Variants in CDKN3 observed in about 807,000 individuals in gnomAD.
CDKN3 encodes cyclin dependent kinase inhibitor 3.
CDKN3 carries 19 observed loss-of-function variants against 36.1 expected under a neutral mutation model. The ratio of observed to expected loss-of-function variants is 0.53; its 90% CI spans 0.37 to 0.77. The LOEUF is 0.77. Among genes scored for constraint, CDKN3 ranks in the 30% least tolerant of loss-of-function variants. CDKN3 has a pLI of 0.00. For missense variants in CDKN3, 188 were observed against 248.6 expected, an observed-to-expected ratio of 0.76 and a Z score of 1.64; for synonymous variants, 71 against 85.3, an observed-to-expected ratio of 0.83 and a Z score of 0.92.
At chr14:54,413,768 G>A (rs1412028270) in intron 5 of CDKN3, 1 of 1,454,754 alleles carries the variant, frequency 6.9e-7, no homozygotes, top group Non-Finnish European at 9.0e-7. Context: ...CACTGGTTCT[G>A]CCTGGACATT....
intron 5 of CDKN3, 38 bp downstream of exon 5, chr14:54,411,744 T>C (rs2030363146): frequency 2.4e-6 from 3 of 1,243,368 alleles, no homozygotes; most frequent in South Asian, 2.4e-5. Context: ...GAGAAATGTC[T>C]CAGTCAAAAT....
intron 3 of CDKN3, among the ~76,000 whole-genome samples, chr14:54,403,965 C>T (rs535578807): frequency 6.4e-4 from 97 of 152,224 alleles, no homozygotes; most frequent in Admixed American, 1.1e-3. Flanking sequence ...ATTTTCGCAT[C>T]GATGTTCATC....
intron 5 of CDKN3, chr14:54,412,856 G>C (rs767677989): frequency 1.9e-6 from 1 of 516,850 alleles, no homozygotes; most frequent in South Asian, 1.4e-5. Context: ...GTATTAAATA[G>C]TTTACGACCT....
Position 54,411,431 on chromosome 14 carries a change from A to C in CDKN3, c.194-53A>C. The C allele has an allele frequency of 3.0e-6, 4 of 1,339,138 alleles. No homozygotes were observed. The Admixed American group carries it at 7.4e-5, about 25-fold the overall frequency. 83.0% of individuals were successfully genotyped at this position (1,339,138 alleles called of 1,614,324 possible). The stretch of plus-strand genomic sequence containing the variant: ...ATATTCTCCCTCTTGATGGTATTTA[A>C]ATGTGTGATGTTTTCTATGTGTGTG... On this transcript the variant is annotated intron_variant, in intron 4 of 7. Transcript: ENST00000335183.
chr14:54,414,738 A>C (rs2030481160), intron 5 of CDKN3, among the ~76,000 whole-genome samples: 1 of 138,430 alleles, frequency 7.2e-6, no homozygotes, highest in Non-Finnish European at 1.5e-5. Flanking sequence ...TTGGAGAGAC[A>C]GGGTCTCACT....
At chr14:54,402,204 C>CA (rs202192816) in intron 3 of CDKN3, among the ~76,000 whole-genome samples, 20,927 of 110,334 alleles carry the variant, frequency 0.19, 1,659 homozygotes, top group Admixed American at 0.22. Context: ...GACTCTGTCT[C>CA]AAAAAAAAAA....
intron 6 of CDKN3, among the ~76,000 whole-genome samples, chr14:54,416,246 T>C (rs1366844075): frequency 6.6e-6 from 1 of 152,204 alleles, no homozygotes; most frequent in African/African-American, 2.4e-5. Context: ...ATAGTTTCCA[T>C]GGGTAACTAT....
At chr14:54,404,720 A>G (rs1012141774) in intron 3 of CDKN3, among the ~76,000 whole-genome samples, 18 of 152,006 alleles carry the variant, frequency 1.2e-4, no homozygotes, top group East Asian at 9.7e-4. Flanking sequence ...GACTACAGGC[A>G]CCCACCACCA....
At chr14:54,407,093 T>C (rs1246475786) in intron 3 of CDKN3, among the ~76,000 whole-genome samples, 1 of 152,222 alleles carries the variant, frequency 6.6e-6, no homozygotes, top group Non-Finnish European at 1.5e-5. Context: ...CTTGTAACAG[T>C]CAGGCCCCTC....
intron 7 of CDKN3, chr14:54,418,299 C>T: frequency 1.4e-6 from 1 of 701,082 alleles, no homozygotes; most frequent in Non-Finnish European, 2.6e-6. Context: ...ATTGTTAATA[C>T]AAACTTGGTA....
At chr14:54,401,137 G>T (rs1415745560) in intron 2 of CDKN3, among the ~76,000 whole-genome samples, 1 of 152,004 alleles carries the variant, frequency 6.6e-6, no homozygotes, top group African/African-American at 2.4e-5. Context: ...AATTAACTTG[G>T]TTTTTTGTTT....
chr14:54,411,426 A>C, intron 4 of CDKN3, 58 bp from the exon 5 acceptor site: 1 of 1,286,622 alleles, frequency 7.8e-7, no homozygotes, highest in Non-Finnish European at 1.1e-6. Context: ...TCTTGATGGT[A>C]TTTAAATGTG....
intron 1 of CDKN3, 71 bp from the exon 2 acceptor site, chr14:54,399,823 G>C: frequency 3.8e-6 from 3 of 783,430 alleles, no homozygotes; most frequent in Middle Eastern, 2.3e-4. Flanking sequence ...TGTGTGTTTA[G>C]ACAAGGATTA....
chr14:54,402,309 CGTGTGT>C (rs35529322), intron 3 of CDKN3, among the ~76,000 whole-genome samples: 10 of 147,824 alleles, frequency 6.8e-5, no homozygotes, highest in African/African-American at 2.0e-4. Flanking sequence ...CATGTGTGTG[CGTGTGT>C]GTGTGTGTGT....
At chr14:54,416,004 T>G (rs968001292) in intron 6 of CDKN3, 74 bp downstream of exon 6, 10 of 1,138,044 alleles carry the variant, frequency 8.8e-6, no homozygotes, top group African/African-American at 1.5e-5. Context: ...TATGTTCATT[T>G]TGTATTAAAA....
At chr14:54,409,071 A>G (rs1437439212) in intron 4 of CDKN3, among the ~76,000 whole-genome samples, 1 of 152,172 alleles carries the variant, frequency 6.6e-6, no homozygotes, top group African/African-American at 2.4e-5. Context: ...GAAAAAAAGT[A>G]TGTAAATAGG....
rs79495217 is a variant in CDKN3 at position 54,415,383 on chromosome 14, T to C, written c.417-516T>C. On this transcript the variant is annotated intron_variant, in intron 5 of 7. Coordinates refer to ENST00000335183, the MANE Select transcript of CDKN3 (RefSeq NM_005192.4). ...GTGAAAAGGCTGAGTCCCAGAGAGA[T>C]TAAATAACTTGCTTAGCTTTACACA... Among the ~76,000 whole-genome samples, 408 of 152,340 alleles carry C rather than the reference T, an allele frequency of 2.7e-3. 3 individuals carry two copies. The highest frequency in any genetic ancestry group is 9.4e-3 in the African/African-American group (391 of 41,580).
chr14:54,400,878 T>C (rs1411039690), intron 2 of CDKN3, among the ~76,000 whole-genome samples: 3 of 152,220 alleles, frequency 2.0e-5, no homozygotes, highest in African/African-American at 7.2e-5. Context: ...TTCACATTAT[T>C]TCTTTTTAAC....
chr14:54,415,087 C>G (rs1030407113), intron 5 of CDKN3, among the ~76,000 whole-genome samples: 1 of 152,014 alleles, frequency 6.6e-6, no homozygotes, highest in Non-Finnish European at 1.5e-5. Flanking sequence ...CCTCTAAGTA[C>G]ATTAGGAAGC....
Sources: gnomAD v4.1 joint callset for allele counts (sites outside exome capture counted in the v4.1 genomes callset) on GRCh38, gnomAD v4.1.1 for gene constraint, MANE v1.5 for transcripts, NCBI Gene and HGNC (gene_info 2026-07-23, HGNC 2026-07-21) for gene names.